Variants in CHODL observed in about 807,000 individuals in gnomAD.
The protein encoded by CHODL is chondrolectin.
Under a neutral mutation model 34.5 loss-of-function variants are expected in CHODL, and 29 were observed. The ratio of observed to expected loss-of-function variants is 0.84; its 90% CI spans 0.63 to 1.15. The LOEUF is 1.15. Ranked by LOEUF, CHODL falls within the 50% of genes most tolerant of loss-of-function variation. The pLI is 0.00. For synonymous variants in CHODL, 125 were observed against 116.1 expected (o/e 1.08, Z -0.49); for missense variants, 332 against 332.5 (o/e 1.00, Z 0.01).
At chr21:18,041,025 C>CT (rs2064368948) in intron 2 of CHODL, among the ~76,000 whole-genome samples, 1 of 151,846 alleles carries the variant, frequency 6.6e-6, no homozygotes, top group South Asian at 2.1e-4. Context: ...TGCTCTTTAG[C>CT]TTGCTTTTAT....
intron 2 of CHODL, among the ~76,000 whole-genome samples, chr21:18,080,020 A>G (rs1479015826): frequency 6.6e-6 from 1 of 152,058 alleles, no homozygotes; most frequent in Non-Finnish European, 1.5e-5. Context: ...CTTTTTAATG[A>G]CAGCCATTCT....
At chr21:18,166,248 C>T (rs942640956) in intron 2 of CHODL, among the ~76,000 whole-genome samples, 5 of 152,188 alleles carry the variant, frequency 3.3e-5, no homozygotes, top group Non-Finnish European at 5.9e-5. Context: ...CCCACAAGCT[C>T]TCCATTAGAC....
At chr21:18,153,391 C>T (rs1441335637) in intron 2 of CHODL, among the ~76,000 whole-genome samples, 1 of 152,154 alleles carries the variant, frequency 6.6e-6, no homozygotes, top group Non-Finnish European at 1.5e-5. Context: ...AATTTCCTGG[C>T]TCATGGTCAC....
At chr21:18,042,351 T>G (rs2064386724) in intron 2 of CHODL, among the ~76,000 whole-genome samples, 1 of 151,936 alleles carries the variant, frequency 6.6e-6, no homozygotes, top group Non-Finnish European at 1.5e-5. Flanking sequence ...CCACAAATTG[T>G]ATAAAATATA....
intron 2 of CHODL, among the ~76,000 whole-genome samples, chr21:18,150,976 C>G (rs2072958102): frequency 6.6e-6 from 1 of 150,512 alleles, no homozygotes; most frequent in South Asian, 2.1e-4. Context: ...CCTAGCTACT[C>G]AGGAGGCTGA....
intron 2 of CHODL, among the ~76,000 whole-genome samples, chr21:18,082,372 T>G (rs1475706377): frequency 6.6e-6 from 1 of 152,190 alleles, no homozygotes; most frequent in East Asian, 1.9e-4. Context: ...CAGGTAGTTC[T>G]TTATAGAAGT....
intron 2 of CHODL, among the ~76,000 whole-genome samples, chr21:18,139,631 C>G (rs904195778): frequency 1.3e-5 from 2 of 152,044 alleles, no homozygotes; most frequent in African/African-American, 4.8e-5. Flanking sequence ...AAGAGCTACT[C>G]TCTGATATGC....
chr21:18,214,926 T>C (rs2073809342), intron 2 of CHODL, among the ~76,000 whole-genome samples: 1 of 151,970 alleles, frequency 6.6e-6, no homozygotes, highest in Non-Finnish European at 1.5e-5. Context: ...CATACATACA[T>C]ACAGTTAGAG....
chr21:18,217,468 G>A (rs2073841391), intron 2 of CHODL, among the ~76,000 whole-genome samples: 2 of 151,964 alleles, frequency 1.3e-5, no homozygotes, highest in South Asian at 4.1e-4. Flanking sequence ...CTTATTATGA[G>A]AACAGCAGCA....
chr21:18,137,195 T>C (rs1195692491), intron 2 of CHODL, among the ~76,000 whole-genome samples: 1 of 152,162 alleles, frequency 6.6e-6, no homozygotes, highest in Non-Finnish European at 1.5e-5. Context: ...GTTGTCCAGA[T>C]ACCTCCCATT....
At chr21:18,251,423 A>AATATATAAAAATACATATTTAT (rs1555886229) in intron 1 of CHODL, among the ~76,000 whole-genome samples, 1 of 130,068 alleles carries the variant, frequency 7.7e-6, no homozygotes, top group Admixed American at 7.6e-5. Context: ...TATTTATTTT[A>AATATATAAAAATACATATTTAT]TTTATTTATT....
intron 1 of CHODL, among the ~76,000 whole-genome samples, chr21:17,946,806 G>T (rs1402387938): frequency 6.6e-6 from 1 of 152,124 alleles, no homozygotes; most frequent in South Asian, 2.1e-4. Context: ...AGTGAAGTGA[G>T]TCTCTTATAC....
chr21:17,953,437 C>T (rs1006978887), intron 1 of CHODL, among the ~76,000 whole-genome samples: 16 of 151,274 alleles, frequency 1.1e-4, no homozygotes, highest in Admixed American at 4.6e-4. Flanking sequence ...ACTGCACTCC[C>T]GCCTGGGTGA....
rs569055923 is a variant in CHODL, at chr21:18,231,855, G to A, written c.-44-24654G>A. Among the ~76,000 whole-genome samples the A allele has an allele frequency of 5.3e-5, 8 of 152,050 alleles. No homozygotes were observed. The South Asian group carries it at 1.5e-3, about 28-fold the overall frequency. ...TCCCAAGCCACGGCACAGTAATGGGGATAACTGTCTTGGTGGTCCTGGGTA... is the reference window on the plus strand; with the variant it reads ...TCCCAAGCCACGGCACAGTAATGGGAATAACTGTCTTGGTGGTCCTGGGTA... On this transcript the variant is annotated intron_variant, in intron 2 of 6. Transcript: ENST00000400127.
rs556461694 is a variant in CHODL at position 18,248,230 on chromosome 21, G to A, written c.79+2928G>A. ...TATCCTGTGGATACCATAGAATATT[G>A]CAAATTCATGGGTGGTGAACAGTAG... On this transcript the variant is annotated intron_variant, in intron 1 of 5. Coordinates refer to ENST00000299295, the MANE Select transcript of CHODL (RefSeq NM_024944.3). 3.8e-4 allele frequency among the ~76,000 whole-genome samples: 57 copies of A among 151,778 alleles called. 2 individuals carry two copies. In the South Asian group the frequency reaches 0.012, roughly 31 times the overall value.
chr21:18,085,135 A>T (rs2064990558), intron 2 of CHODL, among the ~76,000 whole-genome samples: 1 of 151,994 alleles, frequency 6.6e-6, no homozygotes, highest in African/African-American at 2.4e-5. Context: ...TTTGTGTGGA[A>T]TATCTTTTTC....
intron 2 of CHODL, among the ~76,000 whole-genome samples, chr21:18,075,966 G>C (rs138790496): frequency 1.3e-5 from 2 of 152,164 alleles, no homozygotes; most frequent in Middle Eastern, 3.2e-3. Flanking sequence ...AAGTCAGGAC[G>C]TGAGCCCTTC....
At chr21:17,918,625 G>A (rs2063159778) in intron 1 of CHODL, among the ~76,000 whole-genome samples, 1 of 152,140 alleles carries the variant, frequency 6.6e-6, no homozygotes, top group Admixed American at 6.5e-5. Context: ...TGAGATATGG[G>A]TGGGGACACA....
At position 18,253,626 on chromosome 21, in the gene CHODL, A is replaced by G. The variant is rs182354327; in HGVS notation, c.80-2883A>G. Among the ~76,000 whole-genome samples the G allele has an allele frequency of 1.0e-3, 152 of 152,216 alleles. 1 individual carries two copies. The highest frequency in any genetic ancestry group is 3.6e-3 in the African/African-American group (148 of 41,550). On this transcript the variant is annotated intron_variant, in intron 1 of 5. Transcript: ENST00000299295. ...TGAAATCATCACAAAACTTAGTAATATATTAGGAGAAATTTTAAAATAATA... is the reference window on the plus strand; with the variant it reads ...TGAAATCATCACAAAACTTAGTAATGTATTAGGAGAAATTTTAAAATAATA...
Sources: allele counts gnomAD v4.1 joint callset (sites outside exome capture counted in the v4.1 genomes callset), GRCh38; gene constraint gnomAD v4.1.1; transcripts MANE v1.5; gene names NCBI Gene and HGNC (gene_info 2026-07-23, HGNC 2026-07-21).